The following TBC1D14 variants were observed in gnomAD, a reference collection of about 807,000 sequenced individuals.
The protein encoded by TBC1D14 is TBC1 domain family member 14, also known as TBC1 domain family, member 14.
In TBC1D14, 26 loss-of-function variants were observed where a neutral mutation model predicts 79.0. The observed-to-expected ratio is 0.33, with a 90% confidence interval of 0.24 to 0.46. The LOEUF is 0.46. Among genes scored for constraint, TBC1D14 ranks in the 20% least tolerant of loss-of-function variants. The pLI is 1.00. For synonymous variants in TBC1D14, 394 were observed against 349.9 expected, an observed-to-expected ratio of 1.13 and a Z score of -1.40; for missense variants, 769 against 887.6, an observed-to-expected ratio of 0.87 and a Z score of 1.70.
At chr4:6,976,271 C>G (rs1157107234) in intron 3 of TBC1D14, among the ~76,000 whole-genome samples, 1 of 152,132 alleles carries the variant, frequency 6.6e-6, no homozygotes, top group Non-Finnish European at 1.5e-5. Context: ...TAAATGATGG[C>G]TGAATATCTC....
At chr4:6,988,319 C>T (rs1046035091) in intron 3 of TBC1D14, among the ~76,000 whole-genome samples, 4 of 152,218 alleles carry the variant, frequency 2.6e-5, no homozygotes, top group African/African-American at 7.2e-5. Flanking sequence ...CAGTCATACT[C>T]CTATCATTTC....
intron 2 of TBC1D14, among the ~76,000 whole-genome samples, chr4:6,939,730 C>T (rs1375465210): frequency 9.0e-6 from 1 of 110,874 alleles, no homozygotes; most frequent in Non-Finnish European, 1.8e-5. Context: ...TGGCAGAGTT[C>T]CTGAGGAGAG....
At chr4:7,024,201 CTG>C (rs1286308997) in intron 12 of TBC1D14, among the ~76,000 whole-genome samples, 2 of 152,174 alleles carry the variant, frequency 1.3e-5, no homozygotes, top group Non-Finnish European at 2.9e-5. Flanking sequence ...CAGGGTCACA[CTG>C]TGGAAGCTTT....
intron 2 of TBC1D14, among the ~76,000 whole-genome samples, chr4:6,925,777 T>G (rs1724245937): frequency 6.6e-6 from 1 of 152,090 alleles, no homozygotes; most frequent in African/African-American, 2.4e-5. Flanking sequence ...GTTGCTGTGG[T>G]TAGATTTGTG....
chr4:7,014,805 A>G (rs573786930), intron 12 of TBC1D14, among the ~76,000 whole-genome samples: 1 of 152,238 alleles, frequency 6.6e-6, no homozygotes, highest in East Asian at 1.9e-4. Flanking sequence ...TCCTTAAAGG[A>G]CCCGTCCTAA....
At chr4:7,023,826 A>G (rs1209042711) in intron 12 of TBC1D14, among the ~76,000 whole-genome samples, 2 of 152,250 alleles carry the variant, frequency 1.3e-5, no homozygotes, top group African/African-American at 2.4e-5. Context: ...AGGGGCTCGC[A>G]TAGCACACAG....
Position 7,006,724 on chromosome 4 carries a change from CAAGT to C in TBC1D14, c.1446+3_1446+6del. 1 of 1,613,246 alleles carries C rather than the reference CAAGT, an allele frequency of 6.2e-7. No individual in the cohort carries two copies. The highest frequency in any genetic ancestry group is 8.5e-7 in the Non-Finnish European group (1 of 1,179,392). ...ATTTCCTAATCTCTGCATTTTCCAG[CAAGT>C]AAGTGGTGGTGACTTGTTGCTTTCA... On this transcript the variant is annotated splice_donor_variant and coding_sequence_variant, in exon 9 of 14. Transcript: ENST00000409757. LOFTEE classifies it high-confidence loss of function.
intron 3 of TBC1D14, among the ~76,000 whole-genome samples, chr4:6,979,843 A>G (rs1303134766): frequency 3.9e-5 from 6 of 152,242 alleles, no homozygotes; most frequent in Non-Finnish European, 8.8e-5. Flanking sequence ...AAAGTGGGAC[A>G]TTACCTAATG....
At chr4:6,916,400 G>A (rs1370614278) in intron 1 of TBC1D14, among the ~76,000 whole-genome samples, 1 of 152,244 alleles carries the variant, frequency 6.6e-6, no homozygotes, top group Admixed American at 6.5e-5. Context: ...CCACTAAGCG[G>A]ATTTTTTTCC....
intron 3 of TBC1D14, among the ~76,000 whole-genome samples, chr4:6,975,344 G>A (rs1174762563): frequency 6.6e-6 from 1 of 152,066 alleles, no homozygotes; most frequent in Non-Finnish European, 1.5e-5. Flanking sequence ...GAGTAACCGG[G>A]ACTACAGGCA....
chr4:6,969,327 T>G (rs904315461), intron 3 of TBC1D14, among the ~76,000 whole-genome samples: 13 of 152,346 alleles, frequency 8.5e-5, no homozygotes, highest in Admixed American at 2.0e-4. Context: ...AACAATTACA[T>G]TAAAAAGAAA....
intron 8 of TBC1D14, among the ~76,000 whole-genome samples, chr4:7,006,384 A>T (rs1432102956): frequency 6.6e-6 from 1 of 152,140 alleles, no homozygotes; most frequent in Non-Finnish European, 1.5e-5. Context: ...TTAGATTTTG[A>T]TTTCAGACTC....
At chr4:6,948,451 T>C (rs1713694173) in intron 2 of TBC1D14, among the ~76,000 whole-genome samples, 2 of 152,184 alleles carry the variant, frequency 1.3e-5, no homozygotes, top group South Asian at 2.1e-4. Flanking sequence ...TTTTCGGCTG[T>C]ATGGGTATCC....
rs554489915 is a variant in TBC1D14 at position 6,923,732 on chromosome 4, C to T, written c.343C>T (p.Pro115Ser). The T allele has an allele frequency of 1.2e-6, 2 of 1,613,810 alleles. No homozygotes were observed. Among genetic ancestry groups the T allele is most frequent in the East Asian group, 2.2e-5 (1 of 44,904 alleles). The change falls in exon 2 of 14, where the codon CCT becomes TCT. Residue 115 changes from proline (P) to serine (S), a missense_variant. Transcript: ENST00000409757. Reference sequence around the variant, plus strand: ...GCTGCCATCCTGTGCGCCACCAGCTCCTAGCAGCACCGAGCGGGAACAGAG... The same window carrying T: ...GCTGCCATCCTGTGCGCCACCAGCTTCTAGCAGCACCGAGCGGGAACAGAG... ...CALPSCAPPA[P>S]SSTEREQSVR... is the part of the protein sequence containing the mutation.
chr4:6,923,596 T>C lies in TBC1D14; in HGVS notation c.207T>C (p.Pro69=). The change falls in exon 2 of 14, where the codon CCT becomes CCC. Residue 69 remains proline, a synonymous_variant. Transcript: ENST00000409757. ...HSLQSVDSGI[P]TLEIGNPEPV... ...TCCAGTCCGTGGACTCGGGGATTCC[T>C]ACCCTGGAGATCGGGAACCCGGAGC... 1 of 1,614,058 alleles carries C rather than the reference T, an allele frequency of 6.2e-7. No individual in the cohort carries two copies. Among genetic ancestry groups the C allele is most frequent in the Non-Finnish European group, 8.5e-7 (1 of 1,179,996 alleles).
Position 6,923,824 on chromosome 4 carries a change from C to T in TBC1D14, c.435C>T (p.Ser145=), listed in dbSNP as rs151075047. Residue 145 remains serine (S), a synonymous_variant, in exon 2 of 14, where the codon TCC becomes TCT. Coordinates refer to ENST00000409757, the MANE Select transcript of TBC1D14 (RefSeq NM_020773.3). ...CGGTAAAGCTCTATAGCCCGACCTC[C>T]AAAGCCCTGACCCGCAGCGATGATG... ...YDSVKLYSPT[S]KALTRSDDVS... The T allele has an allele frequency of 2.3e-4, 371 of 1,614,074 alleles. No homozygotes were observed. Among genetic ancestry groups the T allele is most frequent in the Non-Finnish European group, 2.9e-4 (348 of 1,180,058 alleles).
chr4:7,000,792 G>A (rs776654253), intron 6 of TBC1D14, among the ~76,000 whole-genome samples: 4 of 152,184 alleles, frequency 2.6e-5, no homozygotes, highest in Non-Finnish European at 4.4e-5. Flanking sequence ...GCTATGTGCT[G>A]TTCCTGTAGG....
intron 5 of TBC1D14, 62 bp from the exon 6 acceptor site, chr4:6,999,023 C>T (rs1577146684): frequency 6.5e-7 from 1 of 1,542,288 alleles, no homozygotes; most frequent in South Asian, 1.1e-5. Context: ...GGAAAATCAC[C>T]TTGCCTGGAA....
intron 3 of TBC1D14, among the ~76,000 whole-genome samples, chr4:6,982,735 A>G (rs1164106960): frequency 2.0e-5 from 3 of 152,232 alleles, no homozygotes; most frequent in African/African-American, 7.2e-5. Flanking sequence ...ATTGGAAGCT[A>G]TCTAAATGTT....
Sources: allele counts gnomAD v4.1 joint callset (sites outside exome capture counted in the v4.1 genomes callset), GRCh38; gene constraint gnomAD v4.1.1; transcripts MANE v1.5; gene names NCBI Gene and HGNC (gene_info 2026-07-23, HGNC 2026-07-21).